The following SP100 variants were observed in gnomAD, a reference collection of about 807,000 sequenced individuals.
SP100 encodes nuclear autoantigen Sp-100.
In SP100, 84 loss-of-function variants were observed where a neutral mutation model predicts 130.0. The ratio of observed to expected loss-of-function variants is 0.65; its 90% CI spans 0.54 to 0.77. The LOEUF (loss-of-function observed/expected upper bound fraction) is 0.77. Ranked by LOEUF, SP100 falls within the 30% of genes least tolerant of loss-of-function variation. The probability of loss-of-function intolerance (pLI) is 0.00; values close to 1 mark genes in which losing one functional copy is unlikely to be tolerated. For synonymous variants in SP100, 331 were observed against 351.7 expected (o/e 0.94, Z 0.66); for missense variants, 978 against 1,052.2 (o/e 0.93, Z 0.97).
At chr2:230,524,371 AG>A (rs375712447) in intron 24 of SP100, among the ~76,000 whole-genome samples, 2 of 149,084 alleles carry the variant, frequency 1.3e-5, no homozygotes, top group African/African-American at 2.5e-5. Flanking sequence ...AAAAAAAAAA[AG>A]AAAAAGAAAA....
At chr2:230,512,402 G>A (rs780506996) in intron 24 of SP100, among the ~76,000 whole-genome samples, 1 of 140,916 alleles carries the variant, frequency 7.1e-6, no homozygotes, top group Non-Finnish European at 1.5e-5. Context: ...CAATTCTCCT[G>A]CCTCAGCCTC....
intron 23 of SP100, chr2:230,510,054 A>G (rs1000285135): frequency 6.6e-6 from 1 of 152,648 alleles, no homozygotes; most frequent in Non-Finnish European, 1.5e-5. Context: ...CTAAGCTGCT[A>G]TACTTTATCT....
chr2:230,498,487 C>A lies in SP100; in HGVS notation c.1672C>A (p.His558Asn). 6.7e-7 allele frequency: 1 copy of A among 1,503,612 alleles called. No individual in the cohort carries two copies. The highest frequency in any genetic ancestry group is 8.8e-7 in the Non-Finnish European group (1 of 1,133,300). 93.1% of individuals were successfully genotyped at this position (1,503,612 alleles called of 1,614,324 possible). A position where few individuals can be genotyped will look rare whatever the true frequency, so the allele number is the denominator to read the frequency against. ...GAGAAAGAAAGACAGACCTAGAAAA[C>A]ATTTAACTCTGAATAACAAAGTCCA... is the stretch of plus-strand genomic sequence containing the variant. The part of the protein sequence containing the change: ...RGRKKDRPRK[H>N]LTLNNKVQKK... The change falls in exon 19 of 29, where the codon CAT (histidine) becomes AAT (asparagine). Residue 558 changes from histidine to asparagine, a missense_variant. Coordinates refer to ENST00000340126, the MANE Select transcript of SP100 (RefSeq NM_001080391.2).
intron 24 of SP100, chr2:230,516,120 T>C (rs982250769): frequency 2.1e-6 from 2 of 968,846 alleles, no homozygotes; most frequent in Admixed American, 6.1e-5. Context: ...GTAGACAAGG[T>C]ACCAGGTCAG....
intron 24 of SP100, among the ~76,000 whole-genome samples, chr2:230,531,575 TA>T (rs955206983): frequency 2.0e-5 from 3 of 152,124 alleles, no homozygotes; most frequent in African/African-American, 7.2e-5. Flanking sequence ...TTAATTAATT[TA>T]AAAAAAGAAA....
intron 23 of SP100, chr2:230,510,075 G>A (rs916800957): frequency 1.2e-4 from 18 of 152,604 alleles, no homozygotes; most frequent in African/African-American, 4.3e-4. Context: ...TAGCCAAAAG[G>A]CCCAGATTGC....
rs539194735 is a variant in SP100, at chr2:230,456,698, C to G, written c.821-4564C>G. Among the ~76,000 whole-genome samples the G allele has an allele frequency of 1.4e-3, 209 of 152,236 alleles. 2 individuals are homozygous for G. Among genetic ancestry groups the G allele is most frequent in the Middle Eastern group, 3.4e-3 (1 of 294 alleles). ...CATGATCAATTCTGCTGTTGATGCT[C>G]TCTGATGCCTTTTTAAATTTCATTC... On this transcript the variant is annotated intron_variant, in intron 8 of 28. Transcript: ENST00000340126.
chr2:230,521,146 C>T (rs1691152311), intron 24 of SP100, among the ~76,000 whole-genome samples: 1 of 152,164 alleles, frequency 6.6e-6, no homozygotes, highest in Non-Finnish European at 1.5e-5. Context: ...TTTCACCATC[C>T]TTTCTCTGCT....
At chr2:230,464,630 A>G (rs1020538436) in intron 11 of SP100, among the ~76,000 whole-genome samples, 7 of 152,226 alleles carry the variant, frequency 4.6e-5, no homozygotes, top group African/African-American at 1.4e-4. Flanking sequence ...AGTGACTTCA[A>G]CTACACCCAA....
rs369088297 is a variant in SP100, at chr2:230,417,573, G to A, written c.33-18G>A. On this transcript the variant is annotated intron_variant, in intron 1 of 28. Coordinates refer to ENST00000340126, the MANE Select transcript of SP100 (RefSeq NM_001080391.2). ...AGGGTCCAGTTATTTACTTGGTCCT[G>A]CCAAATTGTCTTTCTAGGAGGCTGA... is the stretch of plus-strand genomic sequence containing the variant. The A allele has an allele frequency of 2.5e-6, 4 of 1,608,688 alleles. No homozygotes were observed. In the African/African-American group the frequency reaches 5.3e-5, roughly 21 times the overall value.
chr2:230,461,939 ACT>A (rs1208389325), intron 9 of SP100, among the ~76,000 whole-genome samples: 1 of 151,256 alleles, frequency 6.6e-6, no homozygotes, highest in African/African-American at 2.4e-5. Flanking sequence ...ACAGAGCAAG[ACT>A]CTGTCTCAAA....
chr2:230,492,195 A>G (rs750047551), intron 17 of SP100, among the ~76,000 whole-genome samples: 7 of 152,126 alleles, frequency 4.6e-5, no homozygotes, highest in Non-Finnish European at 1.0e-4. Flanking sequence ...CTTGCTTTAC[A>G]TCTACTCTTG....
chr2:230,516,958 A>G (rs1249241978), intron 24 of SP100, among the ~76,000 whole-genome samples: 1 of 152,224 alleles, frequency 6.6e-6, no homozygotes, highest in Non-Finnish European at 1.5e-5. Flanking sequence ...ATCTATACAA[A>G]TATTACTTTA....
At chr2:230,521,210 T>C (rs931323079) in intron 24 of SP100, among the ~76,000 whole-genome samples, 1 of 152,218 alleles carries the variant, frequency 6.6e-6, no homozygotes, top group African/African-American at 2.4e-5. Context: ...CTTACCCAAC[T>C]GTCCCATAGA....
At chr2:230,496,195 C>A (rs180728764) in intron 18 of SP100, among the ~76,000 whole-genome samples, 2 of 152,290 alleles carry the variant, frequency 1.3e-5, no homozygotes, top group East Asian at 3.9e-4. Flanking sequence ...TAAGTCTAAG[C>A]AGAAATCACA....
intron 19 of SP100, among the ~76,000 whole-genome samples, chr2:230,501,790 C>T (rs916561600): frequency 1.3e-5 from 2 of 152,136 alleles, no homozygotes; most frequent in East Asian, 3.8e-4. Flanking sequence ...CACGTTTGAA[C>T]GATGCAGATC....
intron 24 of SP100, among the ~76,000 whole-genome samples, chr2:230,522,705 G>A (rs1691233650): frequency 6.6e-6 from 1 of 151,778 alleles, no homozygotes; most frequent in East Asian, 1.9e-4. Flanking sequence ...GACCAGGATG[G>A]TCTCAATCTC....
At chr2:230,520,354 G>A (rs1255819592) in intron 24 of SP100, among the ~76,000 whole-genome samples, 2 of 152,162 alleles carry the variant, frequency 1.3e-5, no homozygotes, top group East Asian at 3.8e-4. Context: ...AAATGAGAAA[G>A]CTAAGGAAAG....
chr2:230,461,594 G>T (rs909353515), intron 9 of SP100, among the ~76,000 whole-genome samples, 180 bp downstream of exon 9: 2 of 152,044 alleles, frequency 1.3e-5, no homozygotes. Context: ...CTTAGGAGTT[G>T]GGAAAATACC....
Sources: allele counts gnomAD v4.1 joint callset (sites outside exome capture counted in the v4.1 genomes callset), GRCh38; gene constraint gnomAD v4.1.1; transcripts MANE v1.5; gene names NCBI Gene and HGNC (gene_info 2026-07-23, HGNC 2026-07-21).